Variants in CORO1C observed in about 807,000 individuals in gnomAD.
CORO1C encodes coronin-1C.
In CORO1C, 14 loss-of-function variants were observed where a neutral mutation model predicts 51.2. The observed-to-expected ratio is 0.27, with a 90% CI of 0.18 to 0.43. The LOEUF (loss-of-function observed/expected upper bound fraction) is 0.43. Among genes scored for constraint, CORO1C ranks in the 20% least tolerant of loss-of-function variants. The pLI is 1.00. For missense variants in CORO1C, 417 were observed against 607.8 expected (o/e 0.69, Z 3.30); for synonymous variants, 181 against 210.5 (o/e 0.86, Z 1.21).
chr12:108,674,440 C>CG (rs2033828981), intron 3 of CORO1C, among the ~76,000 whole-genome samples: 1 of 150,734 alleles, frequency 6.6e-6, no homozygotes, highest in East Asian at 2.0e-4. Context: ...CCCAGCTACT[C>CG]GGAGGGCTGA....
At chr12:108,676,714 G>A (rs567567323) in intron 3 of CORO1C, among the ~76,000 whole-genome samples, 1 of 150,802 alleles carries the variant, frequency 6.6e-6, no homozygotes, top group African/African-American at 2.4e-5. Context: ...AGAGGTTGCA[G>A]TGAGCTGAGA....
At chr12:108,654,479 C>A (rs2032840577) in intron 6 of CORO1C, 69 bp from the exon 7 acceptor site, 3 of 851,834 alleles carry the variant, frequency 3.5e-6, no homozygotes, top group Admixed American at 2.3e-5. Context: ...ATTTTTATAA[C>A]CTTATTATAT....
At chr12:108,668,497 T>A (rs2033582761) in intron 3 of CORO1C, 1 of 152,182 alleles carries the variant, frequency 6.6e-6, no homozygotes, top group African/African-American at 2.4e-5. Flanking sequence ...CCAGTCTTTG[T>A]CAAATGCCTT....
intron 2 of CORO1C, among the ~76,000 whole-genome samples, chr12:108,696,610 G>A (rs574042903): frequency 1.7e-4 from 26 of 152,298 alleles, no homozygotes; most frequent in African/African-American, 6.3e-4. Flanking sequence ...TTGAGACAAG[G>A]CAGCTTGTGC....
intron 2 of CORO1C, among the ~76,000 whole-genome samples, chr12:108,694,720 A>G (rs2034616522): frequency 6.6e-6 from 1 of 152,220 alleles, no homozygotes; most frequent in Non-Finnish European, 1.5e-5. Context: ...TTGCTATTGA[A>G]AGGAATCCCT....
At chr12:108,653,184 A>G (rs2032761133) in intron 7 of CORO1C, 2 of 152,230 alleles carry the variant, frequency 1.3e-5, no homozygotes, top group South Asian at 2.1e-4. Context: ...TGAGATATCT[A>G]AAGCAATGGA....
At chr12:108,670,567 G>T (rs962852020) in intron 3 of CORO1C, among the ~76,000 whole-genome samples, 2 of 152,156 alleles carry the variant, frequency 1.3e-5, no homozygotes, top group Non-Finnish European at 2.9e-5. Context: ...AAGGCACCAT[G>T]TTTCTGAACA....
In CORO1C at chr12:108,645,845, A is replaced by C; in HGVS notation, c.*1558T>G. On this transcript the variant is annotated 3_prime_UTR_variant, in exon 11 of 11. Coordinates refer to ENST00000261401, the MANE Select transcript of CORO1C (RefSeq NM_014325.4). ...CACTACACATTTCACGTTCAATCAC[A>C]GACAGCCCTTCCAAAACAGAGGCTC... is the stretch of plus-strand genomic sequence containing the variant. 1 of 152,222 alleles carries C rather than the reference A, an allele frequency of 6.6e-6. No homozygotes were observed. The highest frequency in any genetic ancestry group is 1.9e-4 in the East Asian group (1 of 5,192). The allele number at this position is 152,222 out of a possible 1,614,324, so 9.4% of individuals were successfully genotyped here.
chr12:108,659,016 T>G (rs545521139), intron 4 of CORO1C, 97 bp from the exon 5 acceptor site: 95 of 1,264,016 alleles, frequency 7.5e-5, no homozygotes, highest in Non-Finnish European at 8.5e-5. Context: ...CATATGTATA[T>G]GCAGAGAGAG....
chr12:108,679,126 A>AG (rs2034026055), intron 2 of CORO1C, among the ~76,000 whole-genome samples: 1 of 148,108 alleles, frequency 6.8e-6, no homozygotes. Context: ...AAAAAAAAAA[A>AG]AAAGAAACAA....
intron 2 of CORO1C, among the ~76,000 whole-genome samples, chr12:108,678,774 T>G (rs954006100): frequency 7.9e-6 from 1 of 126,258 alleles, no homozygotes; most frequent in Non-Finnish European, 1.7e-5. Flanking sequence ...GTTAATACAA[T>G]AAGACAATAT....
chr12:108,663,517 T>C (rs2033355743), intron 3 of CORO1C, among the ~76,000 whole-genome samples: 1 of 152,232 alleles, frequency 6.6e-6, no homozygotes, highest in African/African-American at 2.4e-5. Context: ...AATGAAGTAC[T>C]GATACATGCT....
rs2035527029 is a variant in CORO1C, at chr12:108,723,733, C to T, written c.-6+7696G>A. On this transcript the variant is annotated intron_variant, in intron 1 of 10. Transcript: ENST00000261401. The stretch of plus-strand genomic sequence containing the variant: ...GAAACAATAATCAACCTTTGCTAAT[C>T]CTAAGTGGTTTTCATTATGTCTGTT... Among the ~76,000 whole-genome samples the T allele has an allele frequency of 2.6e-5, 4 of 152,210 alleles. No individual in the cohort carries two copies. In the South Asian group the frequency reaches 8.3e-4, roughly 32 times the overall value.
chr12:108,681,600 G>C (rs1271027135), intron 2 of CORO1C, among the ~76,000 whole-genome samples: 3 of 152,106 alleles, frequency 2.0e-5, no homozygotes, highest in Non-Finnish European at 4.4e-5. Flanking sequence ...TCCATACCCA[G>C]AAAAACTATC....
At chr12:108,670,513 T>C (rs1322977459) in intron 3 of CORO1C, among the ~76,000 whole-genome samples, 1 of 151,998 alleles carries the variant, frequency 6.6e-6, no homozygotes, top group East Asian at 1.9e-4. Flanking sequence ...GATAAAAGCA[T>C]AAGAGAGGCT....
chr12:108,720,497 G>A (rs886290455), intron 1 of CORO1C, among the ~76,000 whole-genome samples: 2 of 151,352 alleles, frequency 1.3e-5, no homozygotes, highest in Non-Finnish European at 2.9e-5. Flanking sequence ...TAAAAATTAC[G>A]AAGTTAGTTT....
intron 1 of CORO1C, among the ~76,000 whole-genome samples, chr12:108,713,557 A>G (rs1375952441): frequency 1.3e-5 from 2 of 152,240 alleles, no homozygotes; most frequent in Admixed American, 6.5e-5. Context: ...AGAAAATGCA[A>G]ATAAGATCTA....
At chr12:108,655,153 T>C (rs909569899) in intron 6 of CORO1C, among the ~76,000 whole-genome samples, 9 of 152,208 alleles carry the variant, frequency 5.9e-5, no homozygotes, top group Non-Finnish European at 1.3e-4. Context: ...ATCTATTTCC[T>C]TCCGACACAT....
intron 3 of CORO1C, among the ~76,000 whole-genome samples, chr12:108,662,411 G>A (rs959839102): frequency 2.6e-5 from 4 of 151,794 alleles, no homozygotes; most frequent in South Asian, 2.1e-4. Context: ...GCGCGATCTC[G>A]GCTCACTGCA....
Sources: allele counts gnomAD v4.1 joint callset (sites outside exome capture counted in the v4.1 genomes callset), GRCh38; gene constraint gnomAD v4.1.1; transcripts MANE v1.5; gene names NCBI Gene and HGNC (gene_info 2026-07-23, HGNC 2026-07-21).